Variants in AGAP1 observed in about 807,000 individuals in gnomAD.
AGAP1 encodes the protein ArfGAP with GTPase domain, ankyrin repeat and PH domain 1.
AGAP1 carries 29 observed loss-of-function variants against 105.3 expected under a neutral mutation model. The observed-to-expected ratio is 0.28, with a 90% CI of 0.21 to 0.38. The LOEUF is 0.38. AGAP1 is among the 10% of genes least tolerant of loss of function. AGAP1 has a pLI of 1.00. For synonymous variants in AGAP1, 509 were observed against 485.9 expected, an observed-to-expected ratio of 1.05 and a Z score of -0.63; for missense variants, 998 against 1,165.1, an observed-to-expected ratio of 0.86 and a Z score of 2.09.
chr2:235,752,580 G>A lies in AGAP1; in HGVS notation c.673+2092G>A, dbSNP rs73996344. ...TGACAGCAGAGATGAGGGTCTTTGC[G>A]GCCTGAGAAGCCCAGAATATTCACT... is the stretch of plus-strand genomic sequence containing the variant. On this transcript the variant is annotated intron_variant, in intron 6 of 17. Transcript: ENST00000304032. The surrounding 1 kb of genome is among the most constrained non-coding windows in gnomAD (Gnocchi z 4.3). Among the ~76,000 whole-genome samples, 2,141 of 152,232 alleles carry A rather than the reference G, an allele frequency of 0.014. 52 individuals carry two copies. Among genetic ancestry groups the A allele is most frequent in the African/African-American group, 0.049 (2,050 of 41,542 alleles).
intron 6 of AGAP1, among the ~76,000 whole-genome samples, chr2:235,784,475 C>T (rs1435920945): frequency 6.6e-6 from 1 of 151,586 alleles, no homozygotes; most frequent in South Asian, 2.1e-4. Context: ...AATGTGAAAT[C>T]TTGATCGGAG....
At chr2:236,032,627 T>C (rs977553267) in intron 13 of AGAP1, among the ~76,000 whole-genome samples, 1 of 152,162 alleles carries the variant, frequency 6.6e-6, no homozygotes, top group African/African-American at 2.4e-5. Flanking sequence ...GATGCACGCG[T>C]GCACGTGTCT....
rs913634186 is a variant in AGAP1, at chr2:235,566,043, A to G, written c.163+71194A>G. On this transcript the variant is annotated intron_variant, in intron 1 of 17. Coordinates refer to ENST00000304032, the MANE Select transcript of AGAP1 (RefSeq NM_001037131.3). This position sits in a 1 kb window ranked among gnomAD's most constrained non-coding sequence, Gnocchi z 5.2. The stretch of plus-strand genomic sequence containing the variant: ...ACTGATTGCCAAGATTCTGTAAACA[A>G]TATTTCCCTCTGCTTGTGTCATCTT... Among the ~76,000 whole-genome samples, 1 of 152,160 alleles carries G rather than the reference A, an allele frequency of 6.6e-6. No homozygotes were observed. Among genetic ancestry groups the G allele is most frequent in the Admixed American group, 6.5e-5 (1 of 15,268 alleles).
At chr2:235,795,187 T>C (rs1231663575) in intron 6 of AGAP1, among the ~76,000 whole-genome samples, 2 of 152,174 alleles carry the variant, frequency 1.3e-5, no homozygotes, top group African/African-American at 4.8e-5. Context: ...TTACCCAGCC[T>C]GCTGCTGGGT....
At chr2:235,986,194 T>G (rs1196433802) in intron 13 of AGAP1, among the ~76,000 whole-genome samples, 2 of 152,064 alleles carry the variant, frequency 1.3e-5, no homozygotes, top group Non-Finnish European at 2.9e-5. Context: ...CATCCCTTGT[T>G]AGTTGTATTC....
Position 235,737,746 on chromosome 2 carries a change from CT to C in AGAP1, c.311-3216del, listed in dbSNP as rs1457775153. On this transcript the variant is annotated intron_variant, in intron 3 of 17. Coordinates refer to ENST00000304032, the MANE Select transcript of AGAP1 (RefSeq NM_001037131.3). The surrounding 1 kb of genome is among the most constrained non-coding windows in gnomAD (Gnocchi z 4.5). ...GGTGGTGACGCTCCCCAAGTTCCCA[CT>C]CCTGGAGAGGTAGGCAGCGAGGGAC... 1.3e-5 allele frequency among the ~76,000 whole-genome samples: 2 copies of C among 152,108 alleles called. No individual in the cohort carries two copies. Among genetic ancestry groups the C allele is most frequent in the Non-Finnish European group, 2.9e-5 (2 of 68,022 alleles).
rs1028889666 is a variant in AGAP1, at chr2:236,073,169, T to C, written c.2114+23888T>C. On this transcript the variant is annotated intron_variant, in intron 16 of 17. Coordinates refer to ENST00000304032, the MANE Select transcript of AGAP1 (RefSeq NM_001037131.3). This position sits in a 1 kb window ranked among gnomAD's most constrained non-coding sequence, Gnocchi z 5.4. Reference sequence around the variant, plus strand: ...CGCCACCACGCCTGGCTAATTTTTGTATTTTTTAGTAGAGACGGGGTTTCT... The same window carrying C: ...CGCCACCACGCCTGGCTAATTTTTGCATTTTTTAGTAGAGACGGGGTTTCT... 6.6e-6 allele frequency among the ~76,000 whole-genome samples: 1 copy of C among 152,048 alleles called. No homozygotes were observed. Among genetic ancestry groups the C allele is most frequent in the Non-Finnish European group, 1.5e-5 (1 of 67,994 alleles).
chr2:235,565,798 C>T (rs1944328676), intron 1 of AGAP1, among the ~76,000 whole-genome samples: 1 of 151,942 alleles, frequency 6.6e-6, no homozygotes, highest in Admixed American at 6.6e-5. Flanking sequence ...GTAGTTGGAA[C>T]TACAGGTGCA....
At chr2:236,118,387 C>CTTTTTTTT (rs529993131) in intron 16 of AGAP1, among the ~76,000 whole-genome samples, 7 of 116,250 alleles carry the variant, frequency 6.0e-5, no homozygotes, top group Non-Finnish European at 1.1e-4. Flanking sequence ...TTTTCTTTTT[C>CTTTTTTTT]TTTTTTTTTT....
chr2:235,576,129 CCACCAGGCTGGGAGGG>C (rs1003384079), intron 1 of AGAP1, among the ~76,000 whole-genome samples: 11 of 152,170 alleles, frequency 7.2e-5, no homozygotes, highest in African/African-American at 2.4e-4. Flanking sequence ...ACAGGAGGAG[CCACCAGGCTGGGAGGG>C]CACCAGGCAG....
rs1326166873 is a variant in AGAP1, at chr2:236,119,965, TG to T, written c.2115-223del. Among the ~76,000 whole-genome samples, 2 of 152,218 alleles carry T rather than the reference TG, an allele frequency of 1.3e-5. No homozygotes were observed. Among genetic ancestry groups the T allele is most frequent in the Admixed American group, 1.3e-4 (2 of 15,290 alleles). Reference sequence around the variant, plus strand: ...CCGAGAGGTTTGGATTCAGGGGGTCTGGGGCGTGACCTGAGAATCTGCATTT... The same window carrying T: ...CCGAGAGGTTTGGATTCAGGGGGTCTGGGCGTGACCTGAGAATCTGCATTT... On this transcript the variant is annotated intron_variant, in intron 16 of 17. Coordinates refer to ENST00000304032, the MANE Select transcript of AGAP1 (RefSeq NM_001037131.3). This position sits in a 1 kb window ranked among gnomAD's most constrained non-coding sequence, Gnocchi z 6.6.
chr2:235,529,171 C>T (rs1482479213), intron 1 of AGAP1, among the ~76,000 whole-genome samples: 1 of 152,188 alleles, frequency 6.6e-6, no homozygotes, highest in Non-Finnish European at 1.5e-5. Flanking sequence ...GCCCCTGTGG[C>T]CAGGCAAGTG....
At chr2:235,683,741 CA>C (rs1429499688) in intron 1 of AGAP1, among the ~76,000 whole-genome samples, 1 of 151,318 alleles carries the variant, frequency 6.6e-6, no homozygotes, top group African/African-American at 2.4e-5. Context: ...GTTACAGGTG[CA>C]CAACATGTAG....
At chr2:235,616,072 T>C (rs1213488102) in intron 1 of AGAP1, among the ~76,000 whole-genome samples, 3 of 152,076 alleles carry the variant, frequency 2.0e-5, no homozygotes, top group Non-Finnish European at 4.4e-5. Flanking sequence ...AAATGACAGG[T>C]GACTTCTGGG....
intron 16 of AGAP1, among the ~76,000 whole-genome samples, chr2:236,060,788 A>C (rs1299182949): frequency 6.6e-6 from 1 of 152,200 alleles, no homozygotes; most frequent in Admixed American, 6.5e-5. Flanking sequence ...AGAGCTGGGC[A>C]TGGAGGCTCA....
At position 236,003,700 on chromosome 2, in the gene AGAP1, C is replaced by T. The variant is rs1160617013; in HGVS notation, c.1646-32861C>T. Among the ~76,000 whole-genome samples, 1 of 152,154 alleles carries T rather than the reference C, an allele frequency of 6.6e-6. No individual in the cohort carries two copies. Among genetic ancestry groups the T allele is most frequent in the Non-Finnish European group, 1.5e-5 (1 of 68,026 alleles). On this transcript the variant is annotated intron_variant, in intron 13 of 17. Coordinates refer to ENST00000304032, the MANE Select transcript of AGAP1 (RefSeq NM_001037131.3). The surrounding 1 kb of genome is among the most constrained non-coding windows in gnomAD (Gnocchi z 4.2). ...AGGAGAGCCTGGTGGGCACTTCCAC[C>T]CTGATCAAATTCAGTCATTAACCCC... is the stretch of plus-strand genomic sequence containing the variant.
chr2:236,036,795 G>A lies in AGAP1; in HGVS notation c.1800+80G>A. 1.1e-5 allele frequency: 17 copies of A among 1,563,316 alleles called. No individual in the cohort carries two copies. Among genetic ancestry groups the A allele is most frequent in the Non-Finnish European group, 1.5e-5 (17 of 1,159,882 alleles). Reference sequence around the variant, plus strand: ...GCCCCAAGTAATGCCCCAGGGAGGAGAAAATAGAGGACCAGTGTGAATGAC... The same window carrying A: ...GCCCCAAGTAATGCCCCAGGGAGGAAAAAATAGAGGACCAGTGTGAATGAC... On this transcript the variant is annotated intron_variant, in intron 14 of 17. Coordinates refer to ENST00000304032, the MANE Select transcript of AGAP1 (RefSeq NM_001037131.3). The surrounding 1 kb of genome is among the most constrained non-coding windows in gnomAD (Gnocchi z 5.7).
chr2:235,501,963 T>TA (rs1208818711), intron 1 of AGAP1, among the ~76,000 whole-genome samples: 2 of 152,222 alleles, frequency 1.3e-5, no homozygotes, highest in African/African-American at 4.8e-5. Context: ...CTACAGATGT[T>TA]AATCTCTAAT....
At chr2:235,618,970 C>T (rs942999473) in intron 1 of AGAP1, among the ~76,000 whole-genome samples, 16 of 151,888 alleles carry the variant, frequency 1.1e-4, no homozygotes, top group African/African-American at 3.6e-4. Context: ...TCTTTTGGGT[C>T]AGAGTCACAG....
Sources: gnomAD v4.1 joint callset for allele counts (sites outside exome capture counted in the v4.1 genomes callset) on GRCh38, gnomAD v4.1.1 for gene constraint, Gnocchi (gnomAD v3.1) non-coding constraint, MANE v1.5 for transcripts, NCBI Gene and HGNC (gene_info 2026-07-23, HGNC 2026-07-21) for gene names.